The following CACNA2D1 variants were observed in gnomAD, a reference collection of about 807,000 sequenced individuals.
The protein encoded by CACNA2D1 is voltage-dependent calcium channel subunit alpha-2/delta-1.
Under a neutral mutation model 171.5 loss-of-function variants are expected in CACNA2D1, and 53 were observed. The observed-to-expected ratio is 0.31, with a 90% CI of 0.25 to 0.39. The LOEUF (loss-of-function observed/expected upper bound fraction) is 0.39. Among genes scored for constraint, CACNA2D1 ranks in the 10% least tolerant of loss-of-function variants. CACNA2D1 has a pLI of 1.00. For synonymous variants in CACNA2D1, 442 were observed against 443.1 expected (o/e 1.00, Z 0.03); for missense variants, 903 against 1,299.8 (o/e 0.69, Z 4.69).
chr7:82,192,465 TGTGTG>T (rs1563182463), intron 3 of CACNA2D1, among the ~76,000 whole-genome samples: 8 of 1,678 alleles, frequency 4.8e-3, no homozygotes, highest in African/African-American at 8.9e-3. Flanking sequence ...TGTGTTTGTG[TGTGTG>T]TGTGTGTGTG....
chr7:82,079,520 C>T (rs562455705), intron 7 of CACNA2D1, among the ~76,000 whole-genome samples: 15 of 151,730 alleles, frequency 9.9e-5, no homozygotes, highest in Admixed American at 1.3e-4. Flanking sequence ...GGAGAAAACC[C>T]GTCTCTACTA....
intron 12 of CACNA2D1, among the ~76,000 whole-genome samples, chr7:82,026,029 CTTCT>C (rs1208192846): frequency 6.8e-6 from 1 of 147,682 alleles, no homozygotes; most frequent in Admixed American, 6.8e-5. Flanking sequence ...ATATAACATC[CTTCT>C]TTGTCTCGTG....
intron 7 of CACNA2D1, among the ~76,000 whole-genome samples, chr7:82,071,923 A>AT (rs1808361130): frequency 6.6e-6 from 1 of 152,138 alleles, no homozygotes; most frequent in Admixed American, 6.6e-5. Flanking sequence ...TATTGAGCCC[A>AT]TTTTAATCAG....
intron 4 of CACNA2D1, among the ~76,000 whole-genome samples, chr7:82,146,463 A>AAGATATATATTT (rs1563116492): frequency 1.2e-4 from 14 of 120,324 alleles, no homozygotes; most frequent in East Asian, 2.4e-4. Flanking sequence ...GATATATATA[A>AAGATATATATTT]ATATATATCT....
intron 3 of CACNA2D1, among the ~76,000 whole-genome samples, chr7:82,180,679 C>A (rs1458559287): frequency 1.3e-5 from 2 of 152,046 alleles, no homozygotes; most frequent in Non-Finnish European, 2.9e-5. Context: ...TCCTATGGGA[C>A]GGGTAAGATA....
chr7:82,164,491 G>A (rs1358101973), intron 4 of CACNA2D1, among the ~76,000 whole-genome samples: 2 of 151,926 alleles, frequency 1.3e-5, no homozygotes, highest in African/African-American at 4.8e-5. Context: ...GAAATTTCTA[G>A]GCAGAGATTA....
chr7:82,309,498 GTAA>G (rs3054682), intron 3 of CACNA2D1, among the ~76,000 whole-genome samples: 52,577 of 151,840 alleles, frequency 0.35, 9,397 homozygotes, highest in Middle Eastern at 0.51. Context: ...GGTTAGCCAG[GTAA>G]TTTAAGGTGT....
chr7:82,220,339 T>C (rs1472483855), intron 3 of CACNA2D1, among the ~76,000 whole-genome samples: 1 of 152,174 alleles, frequency 6.6e-6, no homozygotes, highest in Non-Finnish European at 1.5e-5. Flanking sequence ...CTTTAAGAAA[T>C]TCGCTGCTTG....
intron 1 of CACNA2D1, among the ~76,000 whole-genome samples, chr7:82,405,529 A>C (rs1826934311): frequency 6.6e-6 from 1 of 152,178 alleles, no homozygotes; most frequent in Non-Finnish European, 1.5e-5. Context: ...AATGAATGAC[A>C]AAGTCTAGGA....
intron 3 of CACNA2D1, among the ~76,000 whole-genome samples, chr7:82,218,845 T>C (rs1260687412): frequency 6.6e-6 from 1 of 151,966 alleles, no homozygotes; most frequent in Non-Finnish European, 1.5e-5. Flanking sequence ...TACTCATGCA[T>C]TAATTAAAAT....
At chr7:82,052,217 C>T (rs908425931) in intron 10 of CACNA2D1, among the ~76,000 whole-genome samples, 5 of 152,022 alleles carry the variant, frequency 3.3e-5, no homozygotes, top group African/African-American at 4.8e-5. Context: ...GGAAAAATTA[C>T]GGTCAAAGTT....
chr7:82,013,815 C>T (rs1800089409), intron 13 of CACNA2D1, among the ~76,000 whole-genome samples: 1 of 151,588 alleles, frequency 6.6e-6, no homozygotes, highest in South Asian at 2.1e-4. Flanking sequence ...ATTAAAGATG[C>T]ATGATGGATA....
intron 1 of CACNA2D1, among the ~76,000 whole-genome samples, chr7:82,396,974 T>C (rs1825812725): frequency 6.6e-6 from 1 of 152,208 alleles, no homozygotes; most frequent in Non-Finnish European, 1.5e-5. Context: ...TCTGACACTG[T>C]GAATTGAAAT....
intron 3 of CACNA2D1, among the ~76,000 whole-genome samples, chr7:82,256,737 A>G (rs1806357094): frequency 6.6e-6 from 1 of 152,210 alleles, no homozygotes; most frequent in African/African-American, 2.4e-5. Context: ...TAATGGAACC[A>G]TTCATTAGAA....
At chr7:82,128,447 A>G (rs1790588837) in intron 5 of CACNA2D1, among the ~76,000 whole-genome samples, 1 of 152,176 alleles carries the variant, frequency 6.6e-6, no homozygotes, top group African/African-American at 2.4e-5. Flanking sequence ...CCCTTGAGGA[A>G]TTGTCTTATA....
Position 82,157,761 on chromosome 7 carries a change from A to C in CACNA2D1, c.354+12789T>G, listed in dbSNP as rs372972864. On this transcript the variant is annotated intron_variant, in intron 4 of 38. Coordinates refer to ENST00000356860, the MANE Select transcript of CACNA2D1 (RefSeq NM_000722.4). ...AAATTTATTACAACTTTCATTCTGT[A>C]ATCTACCCTCTCCTGAGTGTAACTA... is the stretch of plus-strand genomic sequence containing the variant. Among the ~76,000 whole-genome samples, 36 of 152,204 alleles carry C rather than the reference A, an allele frequency of 2.4e-4. 1 individual carries two copies. In the East Asian group the frequency reaches 6.8e-3, roughly 29 times the overall value.
chr7:82,003,805 C>T (rs1171642892), intron 18 of CACNA2D1, among the ~76,000 whole-genome samples: 2 of 147,814 alleles, frequency 1.4e-5, no homozygotes, highest in African/African-American at 5.0e-5. Context: ...AGTGCAATGG[C>T]GTGGTCTCGG....
At chr7:82,428,725 GGTAT>G (rs1439235841) in intron 1 of CACNA2D1, among the ~76,000 whole-genome samples, 2 of 152,106 alleles carry the variant, frequency 1.3e-5, no homozygotes, top group Non-Finnish European at 2.9e-5. Flanking sequence ...TAAAAGGTCC[GGTAT>G]GTGATACTCT....
chr7:82,088,087 T>G (rs1253428999), intron 6 of CACNA2D1, among the ~76,000 whole-genome samples: 3 of 152,120 alleles, frequency 2.0e-5, no homozygotes, highest in Non-Finnish European at 4.4e-5. Flanking sequence ...AAGTTTTTTT[T>G]GTTTTGTTTT....
Sources: allele counts gnomAD v4.1 joint callset (sites outside exome capture counted in the v4.1 genomes callset), GRCh38; gene constraint gnomAD v4.1.1; transcripts MANE v1.5; gene names NCBI Gene and HGNC (gene_info 2026-07-23, HGNC 2026-07-21).